Variants in METTL15 observed in about 807,000 individuals in gnomAD.
The protein encoded by METTL15 is methyltransferase 15, mitochondrial 12S rRNA N4-cytidine.
Under a neutral mutation model 38.3 loss-of-function variants are expected in METTL15, and 34 were observed. The ratio of observed to expected loss-of-function variants is 0.89; its 90% CI spans 0.68 to 1.18. The LOEUF (loss-of-function observed/expected upper bound fraction) is 1.18. Ranked by LOEUF, METTL15 falls within the 50% of genes most tolerant of loss-of-function variation. The pLI is 0.00. For synonymous variants in METTL15, 162 were observed against 170.9 expected (o/e 0.95, Z 0.41); for missense variants, 438 against 498.4 (o/e 0.88, Z 1.15).
At chr11:28,378,851 T>A (rs1193195517) in intron 5 of METTL15, among the ~76,000 whole-genome samples, 1 of 150,942 alleles carries the variant, frequency 6.6e-6, no homozygotes, top group Non-Finnish European at 1.5e-5. Flanking sequence ...CATCAGGTCC[T>A]GGGCTTTTCT....
chr11:28,269,627 A>T (rs1478420488), intron 4 of METTL15, among the ~76,000 whole-genome samples: 1 of 152,276 alleles, frequency 6.6e-6, no homozygotes, highest in Non-Finnish European at 1.5e-5. Context: ...TTATTATTTT[A>T]AAAGGGCCTC....
At chr11:28,260,570 A>G (rs978691625) in intron 4 of METTL15, among the ~76,000 whole-genome samples, 3 of 152,136 alleles carry the variant, frequency 2.0e-5, no homozygotes, top group Admixed American at 6.5e-5. Context: ...CTATTTGTTG[A>G]CTGATTCGTT....
At chr11:28,262,411 G>A (rs1008780110) in intron 4 of METTL15, among the ~76,000 whole-genome samples, 23 of 150,764 alleles carry the variant, frequency 1.5e-4, no homozygotes, top group Middle Eastern at 3.5e-3. Context: ...TTATATATAT[G>A]CTATATACAC....
chr11:28,530,005 A>G (rs1298770263), downstream of METTL15, among the ~76,000 whole-genome samples: 2 of 152,180 alleles, frequency 1.3e-5, no homozygotes, highest in Admixed American at 1.3e-4. Flanking sequence ...ATTTGCTACC[A>G]AAGTAGAGTC....
chr11:28,192,239 A>G (rs891603742), intron 3 of METTL15, among the ~76,000 whole-genome samples: 4 of 151,912 alleles, frequency 2.6e-5, no homozygotes, highest in African/African-American at 9.7e-5. Context: ...ACATTCTGCA[A>G]TATACAACTT....
chr11:28,362,042 A>T (rs917563889), intron 5 of METTL15: 1 of 152,136 alleles, frequency 6.6e-6, no homozygotes, highest in East Asian at 1.9e-4. Context: ...TGGAGGTAGC[A>T]TTTTCATTTA....
chr11:28,431,789 T>C (rs1489513026), intron 6 of METTL15, among the ~76,000 whole-genome samples: 2 of 9,950 alleles, frequency 2.0e-4, no homozygotes, highest in Admixed American at 1.7e-3. Flanking sequence ...AAAAATAAAT[T>C]TAAAAAAAAA....
chr11:28,506,044 C>A (rs1851624765), intron 6 of METTL15, among the ~76,000 whole-genome samples: 1 of 152,218 alleles, frequency 6.6e-6, no homozygotes, highest in South Asian at 2.1e-4. Flanking sequence ...CATACTCAAG[C>A]CTGTCTAAGT....
At chr11:28,329,635 A>C (rs1849749760) in intron 6 of METTL15, among the ~76,000 whole-genome samples, 1 of 152,072 alleles carries the variant, frequency 6.6e-6, no homozygotes, top group African/African-American at 2.4e-5. Flanking sequence ...TCTTTAATTT[A>C]TTTCAAAAAT....
chr11:28,432,068 A>G (rs1008340990), intron 6 of METTL15, among the ~76,000 whole-genome samples: 1 of 152,120 alleles, frequency 6.6e-6, no homozygotes, highest in African/African-American at 2.4e-5. Flanking sequence ...CCACTGCAAA[A>G]TCTTCTGTGA....
chr11:28,345,814 G>A (rs1342522945), intron 3 of METTL15, among the ~76,000 whole-genome samples: 1 of 152,080 alleles, frequency 6.6e-6, no homozygotes, highest in East Asian at 1.9e-4. Flanking sequence ...ACCACACCAG[G>A]ATTGCTTTTC....
intron 5 of METTL15, among the ~76,000 whole-genome samples, chr11:28,412,114 A>G (rs1002365067): frequency 3.1e-4 from 47 of 152,140 alleles, no homozygotes; most frequent in African/African-American, 1.1e-3. Context: ...GAGGGTATGG[A>G]GAAAGGGGAA....
intron 6 of METTL15, among the ~76,000 whole-genome samples, chr11:28,317,806 G>A (rs531093445): frequency 4.7e-4 from 72 of 152,274 alleles, no homozygotes; most frequent in African/African-American, 1.7e-3. Context: ...TTCTTTGTGA[G>A]TCATAAGAAA....
At chr11:28,411,817 G>C (rs1480627165) in intron 5 of METTL15, among the ~76,000 whole-genome samples, 2 of 151,998 alleles carry the variant, frequency 1.3e-5, no homozygotes, top group Non-Finnish European at 2.9e-5. Flanking sequence ...TTCTGAACTG[G>C]AAAATAATAA....
At chr11:28,249,610 A>G (rs965505096) in intron 4 of METTL15, among the ~76,000 whole-genome samples, 1 of 151,946 alleles carries the variant, frequency 6.6e-6, no homozygotes, top group African/African-American at 2.4e-5. Flanking sequence ...TTACATCACT[A>G]AAGAGTTAAT....
intron 4 of METTL15, among the ~76,000 whole-genome samples, chr11:28,237,738 C>T (rs1012195134): frequency 2.0e-5 from 3 of 152,092 alleles, no homozygotes; most frequent in African/African-American, 7.2e-5. Context: ...GTGGTTTTAT[C>T]TACTTTTGGT....
intron 6 of METTL15, among the ~76,000 whole-genome samples, chr11:28,513,274 G>A (rs952833569): frequency 4.6e-5 from 7 of 152,168 alleles, no homozygotes; most frequent in Non-Finnish European, 7.3e-5. Flanking sequence ...TTTTAGGCGG[G>A]AGACATGGGG....
At chr11:28,367,945 A>C (rs894360729) in intron 5 of METTL15, among the ~76,000 whole-genome samples, 2 of 152,112 alleles carry the variant, frequency 1.3e-5, no homozygotes, top group Admixed American at 1.3e-4. Context: ...AAATCAACTC[A>C]AGATGGATCA....
At chr11:28,383,953 C>G (rs368587733) in intron 5 of METTL15, among the ~76,000 whole-genome samples, 4 of 152,192 alleles carry the variant, frequency 2.6e-5, no homozygotes. Flanking sequence ...TCCTGATTCT[C>G]TCTCTTATCC....
Sources: allele counts gnomAD v4.1 joint callset (sites outside exome capture counted in the v4.1 genomes callset), GRCh38; gene constraint gnomAD v4.1.1; transcripts MANE v1.5; gene names NCBI Gene and HGNC (gene_info 2026-07-23, HGNC 2026-07-21).